RNF111: variants seen among roughly 807,000 people sequenced by gnomAD.
RNF111 encodes the protein ring finger protein 111, also known as E3 ubiquitin-protein ligase Arkadia.
In RNF111, 17 loss-of-function variants were observed where a neutral mutation model predicts 95.1. That is an observed-to-expected ratio of 0.18 (90% CI 0.12 to 0.27). RNF111 has a LOEUF of 0.27. Ranked by LOEUF, RNF111 falls within the 10% of genes least tolerant of loss-of-function variation. The pLI is 1.00. For synonymous variants in RNF111, 440 were observed against 414.8 expected (o/e 1.06, Z -0.74); for missense variants, 1,189 against 1,210.4 (o/e 0.98, Z 0.26).
At chr15:59,056,624 A>G (rs550926248) in intron 4 of RNF111, among the ~76,000 whole-genome samples, 23 of 152,110 alleles carry the variant, frequency 1.5e-4, no homozygotes, top group Non-Finnish European at 3.1e-4. Context: ...GCCATATACA[A>G]TCAGCTCTTC....
Position 59,096,426 on chromosome 15 carries a change from A to G in RNF111, c.*1526A>G, listed in dbSNP as rs118119186. On this transcript the variant is annotated 3_prime_UTR_variant, in exon 14 of 14. Coordinates refer to ENST00000348370, the MANE Select transcript of RNF111 (RefSeq NM_017610.8). ...TGATTAATAAATAACTTATATTTCT[A>G]TTGTCTTTGTGTTTCATAATTAGTT... 3.8e-4 allele frequency: 77 copies of G among 202,764 alleles called. No individual in the cohort carries two copies. The East Asian group carries it at 7.1e-3, about 19-fold the overall frequency. The allele number at this position is 202,764 out of a possible 1,614,324, so 12.6% of individuals were successfully genotyped here. A position where few individuals can be genotyped will look rare whatever the true frequency, so the allele number is the denominator to read the frequency against.
At chr15:59,036,067 T>A (rs1376506066) in intron 2 of RNF111, among the ~76,000 whole-genome samples, 1 of 152,222 alleles carries the variant, frequency 6.6e-6, no homozygotes, top group Middle Eastern at 3.4e-3. Flanking sequence ...TAATTTATTC[T>A]ATTTTTATTT....
At chr15:59,045,714 C>G (rs1482539514) in intron 2 of RNF111, among the ~76,000 whole-genome samples, 2 of 152,128 alleles carry the variant, frequency 1.3e-5, no homozygotes, top group African/African-American at 4.8e-5. Context: ...ATACTTAATT[C>G]CATATTTAAT....
At chr15:59,060,332 G>T (rs947621510) in intron 5 of RNF111, among the ~76,000 whole-genome samples, 1 of 151,846 alleles carries the variant, frequency 6.6e-6, no homozygotes. Flanking sequence ...CCTTGACATG[G>T]TGAGACTCAC....
intron 1 of RNF111, among the ~76,000 whole-genome samples, chr15:59,005,856 C>G (rs929947030): frequency 4.6e-5 from 7 of 152,110 alleles, no homozygotes; most frequent in Non-Finnish European, 8.8e-5. Flanking sequence ...TTACAACAAC[C>G]CTTTGTGGTA....
intron 2 of RNF111, among the ~76,000 whole-genome samples, chr15:59,033,433 C>T (rs1372406279): frequency 2.0e-5 from 3 of 152,124 alleles, no homozygotes; most frequent in Admixed American, 6.6e-5. Context: ...TGATCATGTA[C>T]AGCCAGGTGA....
chr15:59,042,616 T>C (rs2041521237), intron 2 of RNF111, among the ~76,000 whole-genome samples: 1 of 152,144 alleles, frequency 6.6e-6, no homozygotes, highest in East Asian at 1.9e-4. Context: ...TTACGTATAA[T>C]AGGAAAAATG....
At chr15:59,045,360 T>C (rs1596186241) in intron 2 of RNF111, among the ~76,000 whole-genome samples, 2 of 152,104 alleles carry the variant, frequency 1.3e-5, no homozygotes, top group East Asian at 3.8e-4. Flanking sequence ...CTGGCTACTT[T>C]TTGCATTTTT....
chr15:59,081,086 C>A lies in RNF111; in HGVS notation c.2099C>A (p.Ala700Glu). 1.2e-6 allele frequency: 2 copies of A among 1,614,096 alleles called. No homozygotes were observed. Among genetic ancestry groups the A allele is most frequent in the Non-Finnish European group, 1.7e-6 (2 of 1,180,014 alleles). The change falls in exon 8 of 14, where the codon GCA becomes GAA. Residue 700 changes from alanine (A) to glutamate (E), a missense_variant. By Grantham distance (107) the Ala-to-Glu change is moderately radical. Around this residue, in one of 2 missense-constraint regions of RNF111, gnomAD observed 1,024 missense variants for 925.9 expected, o/e 1.11. Coordinates refer to ENST00000348370, the MANE Select transcript of RNF111 (RefSeq NM_017610.8). ...TTCCATTCTCAAATATCTTCTCATG[C>A]AACATCTCATCCTGTGGCACCCCCA... Reference protein sequence around the residue: ...HAFHSQISSHATSHPVAPPPP... With the variant: ...HAFHSQISSHETSHPVAPPPP...
At chr15:59,003,791 T>G (rs1290460870) in intron 1 of RNF111, among the ~76,000 whole-genome samples, 1 of 152,236 alleles carries the variant, frequency 6.6e-6, no homozygotes, top group Admixed American at 6.5e-5. Context: ...AAAGACTTTC[T>G]ATGTCCTGTT....
chr15:58,995,775 T>TC (rs1388549842), intron 1 of RNF111, among the ~76,000 whole-genome samples: 1 of 149,624 alleles, frequency 6.7e-6, no homozygotes, highest in Non-Finnish European at 1.5e-5. Context: ...TTTTTTTTTT[T>TC]TTTTTTTTTT....
intron 6 of RNF111, among the ~76,000 whole-genome samples, chr15:59,069,152 T>G (rs2042800593): frequency 6.6e-6 from 1 of 151,804 alleles, no homozygotes; most frequent in African/African-American, 2.4e-5. Flanking sequence ...TTGAATTGAG[T>G]AGAAAATATA....
intron 1 of RNF111, among the ~76,000 whole-genome samples, chr15:59,010,123 T>G (rs1351137300): frequency 3.9e-5 from 6 of 152,212 alleles, no homozygotes; most frequent in African/African-American, 1.4e-4. Flanking sequence ...AAAACAGATT[T>G]TGGAATACAT....
chr15:59,087,554 CAATAGATAATGATAGTTT>C (rs2078933190), intron 10 of RNF111, among the ~76,000 whole-genome samples: 1 of 151,752 alleles, frequency 6.6e-6, no homozygotes, highest in Non-Finnish European at 1.5e-5. Flanking sequence ...TGATAGTCTA[CAATAGATAATGATAGTTT>C]ACAATAAAGT....
At chr15:59,009,398 C>T (rs534226936) in intron 1 of RNF111, among the ~76,000 whole-genome samples, 4 of 151,842 alleles carry the variant, frequency 2.6e-5, no homozygotes, top group Non-Finnish European at 4.4e-5. Flanking sequence ...CCACTTTATT[C>T]CATTGTGCTT....
At position 59,062,633 on chromosome 15, in the gene RNF111, A is replaced by G. The variant is rs2042490436; in HGVS notation, c.1366+4083A>G. Among the ~76,000 whole-genome samples the G allele has an allele frequency of 3.3e-5, 5 of 152,330 alleles. No individual in the cohort carries two copies. The South Asian group carries it at 1.0e-3, about 32-fold the overall frequency. On this transcript the variant is annotated intron_variant, in intron 5 of 13. Transcript: ENST00000348370. ...AATAGCTAACATTTATTGAGCCTAT[A>G]GTGTTGGCCGGTGGATTTGCCTATA...
chr15:59,083,716 A>G (rs934128124), intron 8 of RNF111, among the ~76,000 whole-genome samples: 22 of 152,138 alleles, frequency 1.4e-4, no homozygotes, highest in Non-Finnish European at 2.5e-4. Flanking sequence ...TAAGGTTTCA[A>G]TGTGTCCTGC....
chr15:59,013,618 T>C (rs2039930392), intron 1 of RNF111, among the ~76,000 whole-genome samples: 1 of 152,174 alleles, frequency 6.6e-6, no homozygotes, highest in South Asian at 2.1e-4. Context: ...GGCTGAGTAG[T>C]GTTTGCCAGG....
chr15:59,016,577 A>G (rs2040078473), intron 1 of RNF111, among the ~76,000 whole-genome samples: 1 of 152,218 alleles, frequency 6.6e-6, no homozygotes, highest in African/African-American at 2.4e-5. Context: ...CATATTAGTC[A>G]ACATTTTTCA....
Sources: allele counts gnomAD v4.1 joint callset (sites outside exome capture counted in the v4.1 genomes callset), GRCh38; gene constraint gnomAD v4.1.1; regional missense constraint gnomAD v4.1.1; transcripts MANE v1.5; gene names NCBI Gene and HGNC (gene_info 2026-07-23, HGNC 2026-07-21).